Variants in FAM186A observed in about 807,000 individuals in gnomAD.
FAM186A encodes the protein protein FAM186A.
Under a neutral mutation model 216.8 loss-of-function variants are expected in FAM186A, and 163 were observed. The ratio of observed to expected loss-of-function variants is 0.75; its 90% CI spans 0.66 to 0.86. The LOEUF (loss-of-function observed/expected upper bound fraction) is 0.86, where lower values mean the gene tolerates loss of function less well. FAM186A is among the 40% of genes least tolerant of loss of function. FAM186A has a pLI of 0.00. For missense variants in FAM186A, 2,184 were observed against 2,746.2 expected (o/e 0.80, Z 4.58); for synonymous variants, 805 against 1,025.3 (o/e 0.79, Z 4.10).
rs1055102971 is a variant in FAM186A at position 50,354,583 on chromosome 12, A to G, written c.2249T>C (p.Ile750Thr). The G allele has an allele frequency of 3.2e-6, 5 of 1,550,130 alleles. No individual in the cohort carries two copies. The East Asian group carries it at 9.8e-5, about 30-fold the overall frequency. Residue 750 changes from isoleucine to threonine, a missense_variant, in exon 4 of 8, where the codon ATA becomes ACA. Physicochemically the swap from Ile to Thr is moderately conservative, Grantham distance 89 (BLOSUM62 -1). Transcript: ENST00000327337. ...AAATGAGACTACCTTTTTTTGTTTT[A>G]TAGGTTTCTCTCCAACTTGTTCTTC... ...KKEEQVGEKP[I>T]KQKKVVSFMP...
In FAM186A at chr12:50,363,248, T is replaced by C. The variant is rs1053133142; in HGVS notation, c.309A>G (p.Lys103=). ...TCTCAAGAAAATTGGTTCTCTGTTTTTTCTTATGTTCTGTAAGGGAGACAT... is the reference window on the plus strand; with the variant it reads ...TCTCAAGAAAATTGGTTCTCTGTTTCTTCTTATGTTCTGTAAGGGAGACAT... ...ERNVSLTEHK[K]KQRTNFLEKM... Residue 103 remains lysine (K), a synonymous_variant, in exon 2 of 8, where the codon AAA becomes AAG. Coordinates refer to ENST00000327337, the MANE Select transcript of FAM186A (RefSeq NM_001145475.3). 3.2e-6 allele frequency: 5 copies of C among 1,551,486 alleles called. No individual in the cohort carries two copies. Among genetic ancestry groups the C allele is most frequent in the Non-Finnish European group, 3.5e-6 (4 of 1,146,966 alleles).
chr12:50,365,363 A>G (rs1470313118), intron 1 of FAM186A, among the ~76,000 whole-genome samples: 1 of 152,230 alleles, frequency 6.6e-6, no homozygotes, highest in Non-Finnish European at 1.5e-5. Flanking sequence ...AATGCATGTT[A>G]TTATAAATTG....
chr12:50,343,344 A>G (rs1260806024), intron 4 of FAM186A, among the ~76,000 whole-genome samples: 1 of 152,106 alleles, frequency 6.6e-6, no homozygotes, highest in Non-Finnish European at 1.5e-5. Flanking sequence ...CCCAGCCCAC[A>G]TTTTCTTTAA....
chr12:50,368,464 G>A (rs560372755), intron 1 of FAM186A, among the ~76,000 whole-genome samples: 1 of 151,866 alleles, frequency 6.6e-6, no homozygotes, highest in African/African-American at 2.4e-5. Context: ...ACCCAAGGAG[G>A]TAAAAGACTT....
intron 4 of FAM186A, among the ~76,000 whole-genome samples, chr12:50,336,157 T>C (rs1807103620): frequency 6.6e-6 from 1 of 151,534 alleles, no homozygotes; most frequent in Non-Finnish European, 1.5e-5. Flanking sequence ...AAGAAGGCTT[T>C]ATAGGAAGGT....
rs575601499 is a variant in FAM186A, at chr12:50,353,585, C to T, written c.3247G>A (p.Val1083Met). ...IHLTPQQAQE[V>M]GITLTPQQAQ... ...TGCTGAGGAGTGAGTGTGATCCCCA[C>T]TTCCTGGGCCTGCTGAGGTGTGAGA... The change falls in exon 4 of 8, where the codon GTG (valine) becomes ATG (methionine). Residue 1083 changes from valine (V) to methionine (M), a missense_variant. Coordinates refer to ENST00000327337, the MANE Select transcript of FAM186A (RefSeq NM_001145475.3). 31 of 1,521,648 alleles carry T rather than the reference C, an allele frequency of 2.0e-5. No homozygotes were observed. Among genetic ancestry groups the T allele is most frequent in the African/African-American group, 1.8e-4 (13 of 71,584 alleles). The allele number at this position is 1,521,648 out of a possible 1,614,324, so 94.3% of individuals were successfully genotyped here.
rs1429662880 is a variant in FAM186A, at chr12:50,353,432, G to C, written c.3400C>G (p.Pro1134Ala). Reference protein sequence around the residue: ...TPQQAQALGIPLTPQQTQVQG... With the variant: ...TPQQAQALGIALTPQQTQVQG... ...ACCTGGGTCTGCTGAGGGGTGAGAG[G>C]GATCCCCAGGGCCTGCGCCTGCTGA... The change falls in exon 4 of 8, where the codon CCT becomes GCT. Residue 1134 changes from proline to alanine, a missense_variant. Pro to Ala is a conservative substitution (Grantham distance 27, BLOSUM62 -1). This residue lies in a region of FAM186A where 267 missense variants were observed against 446.2 expected (regional missense o/e 0.60). Coordinates refer to ENST00000327337, the MANE Select transcript of FAM186A (RefSeq NM_001145475.3). 1 of 1,511,200 alleles carries C rather than the reference G, an allele frequency of 6.6e-7. No individual in the cohort carries two copies. Among genetic ancestry groups the C allele is most frequent in the Admixed American group, 2.2e-5 (1 of 45,448 alleles). The allele number at this position is 1,511,200 out of a possible 1,614,324, so 93.6% of individuals were successfully genotyped here.
chr12:50,379,439 CAA>C (rs35400647), intron 1 of FAM186A, among the ~76,000 whole-genome samples: 14 of 96,896 alleles, frequency 1.4e-4, no homozygotes, highest in African/African-American at 1.5e-4. Flanking sequence ...GACTCCCTCT[CAA>C]AAAAAAAAAG....
chr12:50,361,388 G>C (rs537834136), intron 2 of FAM186A, among the ~76,000 whole-genome samples: 1 of 151,702 alleles, frequency 6.6e-6, no homozygotes, highest in African/African-American at 2.4e-5. Flanking sequence ...TAGTAAAGAC[G>C]GGGTTTCACC....
intron 1 of FAM186A, among the ~76,000 whole-genome samples, chr12:50,377,218 G>C (rs746124049): frequency 6.6e-6 from 1 of 152,166 alleles, no homozygotes; most frequent in Admixed American, 6.6e-5. Flanking sequence ...TACATGAATG[G>C]AATAGAATAG....
At chr12:50,361,456 C>T (rs1482129709) in intron 2 of FAM186A, among the ~76,000 whole-genome samples, 2 of 151,998 alleles carry the variant, frequency 1.3e-5, no homozygotes, top group African/African-American at 4.8e-5. Context: ...GCCTCAGCCT[C>T]CCAAAGTGCT....
At chr12:50,341,439 G>A (rs1351932505) in intron 4 of FAM186A, among the ~76,000 whole-genome samples, 1 of 152,110 alleles carries the variant, frequency 6.6e-6, no homozygotes, top group East Asian at 1.9e-4. Flanking sequence ...TGGGATTAAG[G>A]TTATGATTGT....
intron 1 of FAM186A, among the ~76,000 whole-genome samples, chr12:50,364,574 TAAATA>T (rs1313127472): frequency 6.8e-6 from 1 of 146,378 alleles, no homozygotes; most frequent in Non-Finnish European, 1.5e-5. Context: ...AATAAATAAA[TAAATA>T]AAATAAAAAT....
At position 50,350,798 on chromosome 12, in the gene FAM186A, A is replaced by G; in HGVS notation, c.6034T>C (p.Phe2012Leu). 3 of 1,551,632 alleles carry G rather than the reference A, an allele frequency of 1.9e-6. No homozygotes were observed. Among genetic ancestry groups the G allele is most frequent in the South Asian group, 2.4e-5 (2 of 84,060 alleles). Residue 2012 changes from phenylalanine to leucine, a missense_variant, in exon 4 of 8, where the codon TTT becomes CTT. Phe to Leu is a conservative substitution (Grantham distance 22). This residue lies in a region of FAM186A where 721 missense variants were observed against 816.4 expected (regional missense o/e 0.88). Coordinates refer to ENST00000327337, the MANE Select transcript of FAM186A (RefSeq NM_001145475.3). Reference sequence around the variant, plus strand: ...GTGAAATGGGACTGAAATGTTCTAAATGATTCTATAGCAAAAGTGTCTCGA... The same window carrying G: ...GTGAAATGGGACTGAAATGTTCTAAGTGATTCTATAGCAAAAGTGTCTCGA... Reference protein sequence around the residue: ...ILRDTFAIESFRTFQSHFTKY... With the variant: ...ILRDTFAIESLRTFQSHFTKY...
chr12:50,378,357 T>C (rs1263789952), intron 1 of FAM186A, among the ~76,000 whole-genome samples: 2 of 151,354 alleles, frequency 1.3e-5, no homozygotes, highest in South Asian at 2.1e-4. Context: ...GGTGAAACCC[T>C]GTCTCTACTA....
Position 50,327,385 on chromosome 12 carries a change from A to G in FAM186A, c.7054T>C (p.Ter2352ArgextTer2), listed in dbSNP as rs1208690775. 1 of 1,547,120 alleles carries G rather than the reference A, an allele frequency of 6.5e-7. No homozygotes were observed. Among genetic ancestry groups the G allele is most frequent in the South Asian group, 1.2e-5 (1 of 83,638 alleles). ...CATGCTTGTATTTAATTTTACAGTC[A>G]TTTGGGAATCTTCTTAACCCTGGAA... The part of the protein sequence containing the change: ...LQSRVKKIPK[*>R] Residue 2352 changes from the stop codon to arginine (R), a stop_lost, in exon 8 of 8, where the codon TGA becomes CGA. Transcript: ENST00000327337.
chr12:50,350,652 T>G lies in FAM186A; in HGVS notation c.6180A>C (p.Ser2060=). 1.3e-6 allele frequency: 2 copies of G among 1,551,674 alleles called. No homozygotes were observed. Among genetic ancestry groups the G allele is most frequent in the Non-Finnish European group, 1.7e-6 (2 of 1,146,990 alleles). Residue 2060 remains serine, a synonymous_variant, in exon 4 of 8, where the codon TCA becomes TCC. Coordinates refer to ENST00000327337, the MANE Select transcript of FAM186A (RefSeq NM_001145475.3). The part of the protein sequence containing the change: ...LTTLLRTSQI[S]PLEWYQKSRF... ...GGGATTTCTGGTACCATTCCAAAGG[T>G]GAAATCTGTGATGTTCTGAGTAGAG...
intron 4 of FAM186A, among the ~76,000 whole-genome samples, chr12:50,340,213 G>A (rs780811481): frequency 3.3e-5 from 5 of 151,980 alleles, no homozygotes; most frequent in South Asian, 2.1e-4. Context: ...CCTAACTCCC[G>A]CCTCTCCTCA....
intron 1 of FAM186A, among the ~76,000 whole-genome samples, chr12:50,388,533 C>T (rs540390297): frequency 3.3e-5 from 5 of 151,442 alleles, no homozygotes; most frequent in African/African-American, 1.2e-4. Context: ...GCAGGAGAAT[C>T]GCTTGAACCT....
Sources: allele counts gnomAD v4.1 joint callset (sites outside exome capture counted in the v4.1 genomes callset), GRCh38; gene constraint gnomAD v4.1.1; regional missense constraint gnomAD v4.1.1; transcripts MANE v1.5; gene names NCBI Gene and HGNC (gene_info 2026-07-23, HGNC 2026-07-21).